MYO5B: variants seen among roughly 807,000 people sequenced by gnomAD.
The protein encoded by MYO5B is myosin VB, also known as unconventional myosin-Vb.
A neutral mutation model predicts 229.3 loss-of-function variants in MYO5B; 143 were observed. That is an observed-to-expected ratio of 0.62 (90% CI 0.54 to 0.72). MYO5B has a LOEUF of 0.72. Ranked by LOEUF, MYO5B falls within the 30% of genes least tolerant of loss-of-function variation. The probability of loss-of-function intolerance (pLI) is 0.00; values close to 1 mark genes in which losing one functional copy is unlikely to be tolerated. For synonymous variants in MYO5B, 918 were observed against 885.2 expected, an observed-to-expected ratio of 1.04 and a Z score of -0.66; for missense variants, 2,321 against 2,331.0, an observed-to-expected ratio of 1.00 and a Z score of 0.09.
chr18:49,899,828 C>G (rs2024820315), intron 21 of MYO5B, among the ~76,000 whole-genome samples: 1 of 152,380 alleles, frequency 6.6e-6, no homozygotes, highest in Non-Finnish European at 1.5e-5. Flanking sequence ...CTTTTCTGAT[C>G]ACCCTCTACA....
chr18:50,190,707 A>C (rs74921961), intron 1 of MYO5B, among the ~76,000 whole-genome samples: 11,870 of 152,258 alleles, frequency 0.078, 685 homozygotes, highest in African/African-American at 0.16. Context: ...AATTGGATGG[A>C]GGGAAAAAGA....
intron 8 of MYO5B, among the ~76,000 whole-genome samples, chr18:49,982,124 C>T (rs1318832136): frequency 2.0e-5 from 3 of 152,202 alleles, no homozygotes; most frequent in Non-Finnish European, 4.4e-5. Flanking sequence ...GTTGCTCAGG[C>T]TGGAGTCCAG....
At chr18:50,123,114 G>A (rs761793826) in intron 1 of MYO5B, among the ~76,000 whole-genome samples, 3 of 152,130 alleles carry the variant, frequency 2.0e-5, no homozygotes, top group Non-Finnish European at 2.9e-5. Context: ...TCCCTACAAC[G>A]GACTATGTTC....
Position 49,904,704 on chromosome 18 carries a change from G to A in MYO5B, c.2539C>T (p.Arg847Trp), listed in dbSNP as rs368836963. 2.2e-5 allele frequency: 35 copies of A among 1,614,046 alleles called. No homozygotes were observed. The highest frequency in any genetic ancestry group is 5.3e-5 in the African/African-American group (4 of 75,048). The change falls in exon 20 of 40, where the codon CGG (arginine) becomes TGG (tryptophan). Residue 847 changes from arginine to tryptophan, a missense_variant. This residue lies in a region of MYO5B where 2,113 missense variants were observed against 2,044.7 expected (regional missense o/e 1.03). Transcript: ENST00000285039. The stretch of plus-strand genomic sequence containing the variant: ...TAGGTTCTCCGCACAAACATGGCCC[G>A]GGTGAAGGCCTGGATAACAACGGCA... ...RAAVVIQAFT[R>W]AMFVRRTYRQ...
intron 1 of MYO5B, among the ~76,000 whole-genome samples, chr18:50,059,425 GGA>G (rs2030632798): frequency 6.6e-6 from 1 of 152,184 alleles, no homozygotes; most frequent in Non-Finnish European, 1.5e-5. Flanking sequence ...AGGAAGACAG[GGA>G]GAGAGGGGAA....
In MYO5B at chr18:49,862,137, A is replaced by T. The variant is rs896260698; in HGVS notation, c.3944+1090T>A. ...CTCAGCCTCCTGAGTAGCTGGGATT[A>T]CAGGCACCCGCCACTACGCCCGGCT... On this transcript the variant is annotated intron_variant, in intron 29 of 39. Transcript: ENST00000285039. 3.3e-5 allele frequency among the ~76,000 whole-genome samples: 5 copies of T among 151,342 alleles called. No individual in the cohort carries two copies. In the East Asian group the frequency reaches 9.8e-4, roughly 30 times the overall value.
At chr18:50,052,827 A>G (rs2030436142) in intron 2 of MYO5B, among the ~76,000 whole-genome samples, 2 of 152,178 alleles carry the variant, frequency 1.3e-5, no homozygotes, top group African/African-American at 4.8e-5. Flanking sequence ...GAGAAGCTTG[A>G]CTGTCTTCAA....
At chr18:50,039,116 C>G (rs1568081260) in intron 3 of MYO5B, among the ~76,000 whole-genome samples, 1 of 152,172 alleles carries the variant, frequency 6.6e-6, no homozygotes, top group East Asian at 1.9e-4. Flanking sequence ...CCACAGGGCA[C>G]ATGCGAGGCG....
chr18:49,920,064 G>T (rs1414740944), intron 17 of MYO5B, among the ~76,000 whole-genome samples: 1 of 152,146 alleles, frequency 6.6e-6, no homozygotes, highest in Admixed American at 6.6e-5. Context: ...GACACAAAAG[G>T]ACACATATTA....
intron 4 of MYO5B, among the ~76,000 whole-genome samples, chr18:50,026,373 G>A (rs966034677): frequency 6.6e-6 from 1 of 152,236 alleles, no homozygotes; most frequent in Non-Finnish European, 1.5e-5. Flanking sequence ...GCCACTAACA[G>A]TGCAATTTCA....
At position 49,864,355 on chromosome 18, in the gene MYO5B, T is replaced by G. The variant is rs750546939; in HGVS notation, c.3629A>C (p.Lys1210Thr). 15 of 1,613,784 alleles carry G rather than the reference T, an allele frequency of 9.3e-6. No individual in the cohort carries two copies. The highest frequency in any genetic ancestry group is 4.4e-5 in the South Asian group (4 of 91,084). The change falls in exon 28 of 40, where the codon AAA becomes ACA. Residue 1210 changes from lysine to threonine, a missense_variant. Lys to Thr is a moderately conservative substitution (Grantham distance 78). Coordinates refer to ENST00000285039, the MANE Select transcript of MYO5B (RefSeq NM_001080467.3). ...CTCATTCAGGTCATTCTTCAGCTTTTTGTTCTCTGACTCCAGCTCTTGCCT... is the reference window on the plus strand; with the variant it reads ...CTCATTCAGGTCATTCTTCAGCTTTGTGTTCTCTGACTCCAGCTCTTGCCT... ...LKRQELESEN[K>T]KLKNDLNELR...
chr18:49,906,704 T>G, intron 18 of MYO5B, 74 bp from the exon 19 acceptor site: 1 of 1,333,744 alleles, frequency 7.5e-7, no homozygotes, highest in East Asian at 2.3e-5. Context: ...CCACCCTTGT[T>G]CTTCCCATGC....
At chr18:50,079,161 C>G (rs1042212456) in intron 1 of MYO5B, among the ~76,000 whole-genome samples, 1 of 152,336 alleles carries the variant, frequency 6.6e-6, no homozygotes, top group Middle Eastern at 3.4e-3. Context: ...TCGGTGGGTT[C>G]AGTATGTGAC....
At chr18:50,074,215 A>G (rs1264017318) in intron 1 of MYO5B, among the ~76,000 whole-genome samples, 4 of 152,082 alleles carry the variant, frequency 2.6e-5, no homozygotes, top group Non-Finnish European at 5.9e-5. Flanking sequence ...ATCAGATCTC[A>G]TGAGACTTAT....
intron 1 of MYO5B, among the ~76,000 whole-genome samples, chr18:50,104,265 G>GATATAAATATATATAT (rs1555659350): frequency 7.4e-6 from 1 of 134,572 alleles, no homozygotes; most frequent in Non-Finnish European, 1.6e-5. Context: ...ATCTATACAT[G>GATATAAATATATATAT]ATATATATAT....
intron 24 of MYO5B, 95 bp from the exon 25 acceptor site, chr18:49,877,977 T>C: frequency 2.7e-6 from 4 of 1,469,930 alleles, no homozygotes; most frequent in Non-Finnish European, 2.9e-6. Flanking sequence ...TCCTTCTGCC[T>C]AATTTGTCAA....
chr18:49,848,863 C>G (rs1272158779), intron 32 of MYO5B, among the ~76,000 whole-genome samples: 1 of 152,044 alleles, frequency 6.6e-6, no homozygotes, highest in Non-Finnish European at 1.5e-5. Flanking sequence ...ACCTTCCAGT[C>G]TAGAGGAGCA....
At chr18:50,038,302 C>T (rs983530008) in intron 3 of MYO5B, among the ~76,000 whole-genome samples, 3 of 152,094 alleles carry the variant, frequency 2.0e-5, no homozygotes, top group South Asian at 2.1e-4. Context: ...GGGAAGTCTC[C>T]GACATTGTGT....
At chr18:49,909,002 G>T (rs1206617443) in intron 18 of MYO5B, among the ~76,000 whole-genome samples, 4 of 152,216 alleles carry the variant, frequency 2.6e-5, no homozygotes, top group Non-Finnish European at 1.5e-5. Context: ...GCCCCAGGCT[G>T]CCCCTCCAGG....
Sources: gnomAD v4.1 joint callset for allele counts (sites outside exome capture counted in the v4.1 genomes callset) on GRCh38, gnomAD v4.1.1 for gene constraint, gnomAD v4.1.1 regional missense constraint, MANE v1.5 for transcripts, NCBI Gene and HGNC (gene_info 2026-07-23, HGNC 2026-07-21) for gene names.